The following SNX25 variants were observed in gnomAD, a reference collection of about 807,000 sequenced individuals.
SNX25 encodes sorting nexin-25.
In SNX25, 62 loss-of-function variants were observed where a neutral mutation model predicts 113.7. That is an observed-to-expected ratio of 0.55 (90% CI 0.44 to 0.67). The LOEUF is 0.67. Among genes scored for constraint, SNX25 ranks in the 30% least tolerant of loss-of-function variants. The probability of loss-of-function intolerance (pLI) is 0.00; values close to 1 mark genes in which losing one functional copy is unlikely to be tolerated. For synonymous variants in SNX25, 421 were observed against 436.2 expected (o/e 0.97, Z 0.43); for missense variants, 1,014 against 1,161.0 (o/e 0.87, Z 1.84).
chr4:185,247,104 ATCCT>A (rs1744967868), intron 1 of SNX25, among the ~76,000 whole-genome samples, 186 bp from the exon 2 acceptor site: 1 of 152,120 alleles, frequency 6.6e-6, no homozygotes, highest in Admixed American at 6.5e-5. Context: ...GGTAGGGAAA[ATCCT>A]TCCTTAATTT....
At chr4:185,351,632 CA>C in intron 14 of SNX25, 23 bp downstream of exon 14, 1 of 1,609,714 alleles carries the variant, frequency 6.2e-7, no homozygotes, top group African/African-American at 1.3e-5. Flanking sequence ...AAGAGTGAAC[CA>C]CTTTTGTAGT....
chr4:185,228,809 C>G (rs1336824747), intron 1 of SNX25, among the ~76,000 whole-genome samples: 1 of 152,340 alleles, frequency 6.6e-6, no homozygotes, highest in East Asian at 1.9e-4. Flanking sequence ...AAGCATTTCA[C>G]TAGGCACTTT....
At chr4:185,212,491 G>GGGTTTTTGTTT in intron 1 of SNX25, among the ~76,000 whole-genome samples, 1 of 104,940 alleles carries the variant, frequency 9.5e-6, no homozygotes, top group South Asian at 3.1e-4. Flanking sequence ...GTGTGTGTGT[G>GGGTTTTTGTTT]TTTTTTTTTT....
chr4:185,329,636 C>G (rs1236061022), intron 9 of SNX25, among the ~76,000 whole-genome samples: 1 of 151,912 alleles, frequency 6.6e-6, no homozygotes, highest in African/African-American at 2.4e-5. Context: ...CAGTTGGAAT[C>G]AGCAAAGGGC....
chr4:185,204,643 G>T (rs1464688988), upstream of SNX25, among the ~76,000 whole-genome samples: 1 of 152,244 alleles, frequency 6.6e-6, no homozygotes, highest in Non-Finnish European at 1.5e-5. Context: ...TTTAGCTGAT[G>T]TGATTAAGGA....
intron 10 of SNX25, among the ~76,000 whole-genome samples, chr4:185,333,887 TA>T (rs565100077): frequency 6.2e-4 from 88 of 140,926 alleles, no homozygotes; most frequent in East Asian, 5.7e-3. Flanking sequence ...CTAGTAAAAA[TA>T]AAAAAAAAAA....
chr4:185,235,168 T>C, intron 1 of SNX25, among the ~76,000 whole-genome samples: 1 of 152,284 alleles, frequency 6.6e-6, no homozygotes, highest in East Asian at 1.9e-4. Flanking sequence ...ATTTGATGCA[T>C]GTAGGCATGG....
chr4:185,209,995 T>C lies in SNX25; in HGVS notation c.169T>C (p.Trp57Arg). The stretch of plus-strand genomic sequence containing the variant: ...GCCGGGGGCCCCGGGCGGCCGGAGC[T>C]GGTGGAAGCCCGTGGCGGTGGCCGC... Reference protein sequence around the residue: ...AAPGAPGGRSWWKPVAVAALA... With the variant: ...AAPGAPGGRSRWKPVAVAALA... Residue 57 changes from tryptophan to arginine, a missense_variant, in exon 1 of 19, where the codon TGG (tryptophan) becomes CGG (arginine). By Grantham distance (101) the Trp-to-Arg change is moderately radical. Transcript: ENST00000652585. This position sits in a 1 kb window ranked among gnomAD's most constrained non-coding sequence, Gnocchi z 5.2. 1 of 983,204 alleles carries C rather than the reference T, an allele frequency of 1.0e-6. No individual in the cohort carries two copies. Among genetic ancestry groups the C allele is most frequent in the Non-Finnish European group, 1.2e-6 (1 of 829,126 alleles). The allele number at this position is 983,204 out of a possible 1,614,324, so 60.9% of individuals were successfully genotyped here. A position where few individuals can be genotyped will look rare whatever the true frequency, so the allele number is the denominator to read the frequency against.
chr4:185,355,889 A>G (rs1048930306), intron 15 of SNX25, among the ~76,000 whole-genome samples: 2 of 152,212 alleles, frequency 1.3e-5, no homozygotes, highest in Non-Finnish European at 2.9e-5. Flanking sequence ...TGCTATTGGT[A>G]CAGAGCTTAA....
At chr4:185,372,998 G>C (rs1283837650), downstream of SNX25, 1 of 1,613,792 alleles carries the variant, frequency 6.2e-7, no homozygotes, top group Admixed American at 1.7e-5. Flanking sequence ...CGGATGCCTT[G>C]TCCATACAAG....
intron 7 of SNX25, among the ~76,000 whole-genome samples, chr4:185,312,941 G>C (rs1049652054): frequency 4.6e-5 from 7 of 152,160 alleles, no homozygotes; most frequent in Admixed American, 6.5e-5. Context: ...AGATAAGACA[G>C]AATTCCAATA....
chr4:185,241,302 C>A (rs1385515900), intron 1 of SNX25, among the ~76,000 whole-genome samples: 1 of 152,124 alleles, frequency 6.6e-6, no homozygotes, highest in Non-Finnish European at 1.5e-5. Flanking sequence ...ACAGCGAAAC[C>A]CCGTCTCCAC....
intron 5 of SNX25, among the ~76,000 whole-genome samples, chr4:185,268,970 G>T (rs913065630): frequency 6.6e-6 from 1 of 152,138 alleles, no homozygotes; most frequent in Non-Finnish European, 1.5e-5. Context: ...AATATCTGGA[G>T]ATTTAATGTT....
intron 7 of SNX25, 137 bp downstream of exon 7, chr4:185,310,953 T>C (rs2126665325): frequency 1.2e-6 from 1 of 855,906 alleles, no homozygotes; most frequent in Admixed American, 3.0e-5. Flanking sequence ...ATTTGCTCTA[T>C]GAGTCAAGGA....
At chr4:185,324,785 T>TTAGCTAAGC (rs2095144726) in intron 9 of SNX25, among the ~76,000 whole-genome samples, 1 of 152,112 alleles carries the variant, frequency 6.6e-6, no homozygotes, top group Non-Finnish European at 1.5e-5. Context: ...TCCTGCTCTG[T>TTAGCTAAGC]CAATCCAGAC....
At chr4:185,222,503 G>T (rs535417503) in intron 1 of SNX25, among the ~76,000 whole-genome samples, 1 of 142,206 alleles carries the variant, frequency 7.0e-6, no homozygotes, top group Non-Finnish European at 1.5e-5. Context: ...TTACAGCGCC[G>T]TATACCCCTC....
At chr4:185,278,085 T>C (rs1306228880) in intron 5 of SNX25, among the ~76,000 whole-genome samples, 1 of 152,248 alleles carries the variant, frequency 6.6e-6, no homozygotes, top group Non-Finnish European at 1.5e-5. Flanking sequence ...TATAATTTAA[T>C]TTTTAGTAAT....
At chr4:185,275,689 G>A (rs1379349241) in intron 5 of SNX25, among the ~76,000 whole-genome samples, 1 of 152,164 alleles carries the variant, frequency 6.6e-6, no homozygotes, top group Non-Finnish European at 1.5e-5. Context: ...TGACTCATGA[G>A]CAGTAAAATA....
upstream of SNX25, among the ~76,000 whole-genome samples, chr4:185,205,226 C>G (rs750607733): frequency 2.0e-5 from 3 of 152,154 alleles, no homozygotes; most frequent in African/African-American, 2.4e-5. Flanking sequence ...GAGGCCGAGG[C>G]GGGTGGGGCC....
Sources: allele counts gnomAD v4.1 joint callset (sites outside exome capture counted in the v4.1 genomes callset), GRCh38; gene constraint gnomAD v4.1.1; non-coding constraint Gnocchi (gnomAD v3.1); transcripts MANE v1.5; gene names NCBI Gene and HGNC (gene_info 2026-07-23, HGNC 2026-07-21).